Variants in NYAP2 observed in about 807,000 individuals in gnomAD.
NYAP2 encodes the protein neuronal tyrosine-phosphorylated phosphoinositide-3-kinase adapter 2.
In NYAP2, 23 loss-of-function variants were observed where a neutral mutation model predicts 50.4. The ratio of observed to expected loss-of-function variants is 0.46; its 90% CI spans 0.33 to 0.65. The LOEUF (loss-of-function observed/expected upper bound fraction) is 0.65. NYAP2 is among the 30% of genes least tolerant of loss of function. The pLI, the probability that NYAP2 is intolerant of heterozygous loss-of-function variation, is 0.02. For missense variants in NYAP2, 885 were observed against 861.0 expected (o/e 1.03, Z -0.35); for synonymous variants, 394 against 365.2 (o/e 1.08, Z -0.90).
intron 3 of NYAP2, among the ~76,000 whole-genome samples, chr2:225,432,976 C>T (rs1263617091): frequency 6.6e-6 from 1 of 152,048 alleles, no homozygotes; most frequent in East Asian, 1.9e-4. Context: ...AACCATATGC[C>T]CTGGCTGGGT....
At chr2:225,657,565 A>T (rs570084929), downstream of NYAP2, among the ~76,000 whole-genome samples, 1 of 150,476 alleles carries the variant, frequency 6.6e-6, no homozygotes, top group African/African-American at 2.5e-5. Flanking sequence ...ATCTCTTTCA[A>T]TTTTGCTGTG....
In NYAP2 at chr2:225,408,847, G is replaced by A. The variant is rs371105560; in HGVS notation, c.-17-17G>A. ...TCCCCACCCTGGATAAAAGTAAAAT[G>A]TGTTCTCACCCTGCAGGCAGTGTTC... On this transcript the variant is annotated splice_polypyrimidine_tract_variant and intron_variant, in intron 2 of 6. Coordinates refer to ENST00000636099, the Ensembl canonical transcript of NYAP2. The A allele has an allele frequency of 7.0e-6, 10 of 1,438,842 alleles. No individual in the cohort carries two copies. The highest frequency in any genetic ancestry group is 9.7e-6 in the Non-Finnish European group (10 of 1,028,814). The allele number at this position is 1,438,842 out of a possible 1,614,324, so 89.1% of individuals were successfully genotyped here.
chr2:225,472,777 T>G (rs1690032890), intron 3 of NYAP2, among the ~76,000 whole-genome samples: 1 of 152,112 alleles, frequency 6.6e-6, no homozygotes, highest in Non-Finnish European at 1.5e-5. Context: ...AATAGAAAAA[T>G]GCAGTGTTAC....
At chr2:225,571,731 G>A (rs1023558998) in intron 4 of NYAP2, among the ~76,000 whole-genome samples, 9 of 152,294 alleles carry the variant, frequency 5.9e-5, no homozygotes, top group East Asian at 1.9e-4. Context: ...CCTCTGACAT[G>A]CCCTGGAGAC....
chr2:225,589,739 G>T (rs1316913021), intron 5 of NYAP2, among the ~76,000 whole-genome samples: 3 of 151,872 alleles, frequency 2.0e-5, no homozygotes, highest in Non-Finnish European at 4.4e-5. Flanking sequence ...TTAAAACTTT[G>T]CAGGTGAAAT....
chr2:225,406,817 A>G (rs2106117701), intron 2 of NYAP2, among the ~76,000 whole-genome samples: 1 of 152,156 alleles, frequency 6.6e-6, no homozygotes, highest in South Asian at 2.1e-4. Flanking sequence ...TTGAAAGACC[A>G]CTTAGGAAGG....
chr2:225,533,301 C>G (rs927066422), intron 4 of NYAP2, among the ~76,000 whole-genome samples: 2 of 152,172 alleles, frequency 1.3e-5, no homozygotes, highest in Non-Finnish European at 2.9e-5. Context: ...AAGTTCTACT[C>G]TCCATATACA....
Position 225,491,427 on chromosome 2 carries a change from CCCTA to C in NYAP2, c.222-21939_222-21936del, listed in dbSNP as rs573691503. Among the ~76,000 whole-genome samples the C allele has an allele frequency of 3.1e-3, 477 of 152,258 alleles. 3 individuals are homozygous for C. Among genetic ancestry groups the C allele is most frequent in the Non-Finnish European group, 4.0e-3 (269 of 68,016 alleles). ...TTTTATGTTGAATACTATCATCTCA[CCCTA>C]CCTATCTTAATTTTTTTAAATTATG... On this transcript the variant is annotated intron_variant, in intron 3 of 6. Transcript: ENST00000636099.
intron 3 of NYAP2, among the ~76,000 whole-genome samples, chr2:225,430,178 A>T (rs2106133040): frequency 6.6e-6 from 1 of 152,222 alleles, no homozygotes; most frequent in Middle Eastern, 3.4e-3. Flanking sequence ...TTATTTGCCA[A>T]CTTAGATTTT....
chr2:225,670,028 T>C, the NYAP2 span, among the ~76,000 whole-genome samples: 10 of 152,192 alleles, frequency 6.6e-5, no homozygotes, highest in African/African-American at 2.2e-4. Flanking sequence ...CTTTGCACAT[T>C]CTGGCCCACT....
the NYAP2 span, among the ~76,000 whole-genome samples, chr2:225,676,442 T>G: frequency 3.9e-5 from 6 of 152,070 alleles, no homozygotes; most frequent in Admixed American, 2.6e-4. Context: ...TTAATTTTAT[T>G]GAAGATTATA....
At chr2:225,645,678 C>A (rs892684453) in intron 6 of NYAP2, among the ~76,000 whole-genome samples, 1 of 152,162 alleles carries the variant, frequency 6.6e-6, no homozygotes, top group East Asian at 1.9e-4. Flanking sequence ...TAATTAATCT[C>A]TCAATTAGGA....
chr2:225,409,084 A>G, exon 3 of NYAP2: 1 of 1,602,188 alleles, frequency 6.2e-7, no homozygotes, highest in African/African-American at 1.3e-5. Flanking sequence ...GCCGAAGACA[A>G]GAAGAAGCAA....
the NYAP2 span, among the ~76,000 whole-genome samples, chr2:225,664,858 G>A: frequency 6.6e-6 from 1 of 152,110 alleles, no homozygotes; most frequent in African/African-American, 2.4e-5. Flanking sequence ...GGGCGACAGA[G>A]CGAGAGTCCA....
intron 5 of NYAP2, among the ~76,000 whole-genome samples, chr2:225,626,470 G>A (rs1183589020): frequency 1.3e-5 from 2 of 152,136 alleles, no homozygotes; most frequent in African/African-American, 4.8e-5. Flanking sequence ...ATATAAATGA[G>A]TGAGTAATCA....
intron 3 of NYAP2, among the ~76,000 whole-genome samples, chr2:225,411,168 G>T (rs186228878): frequency 1.3e-5 from 2 of 152,248 alleles, no homozygotes; most frequent in Non-Finnish European, 2.9e-5. Flanking sequence ...GAGAGATAAT[G>T]TTGGTTTGCA....
the NYAP2 span, among the ~76,000 whole-genome samples, chr2:225,659,024 C>T: frequency 1.3e-5 from 2 of 152,224 alleles, no homozygotes. Context: ...ACAAAACAAG[C>T]TCATGCCTGC....
At chr2:225,530,455 T>C (rs1691233756) in intron 4 of NYAP2, among the ~76,000 whole-genome samples, 1 of 152,206 alleles carries the variant, frequency 6.6e-6, no homozygotes, top group South Asian at 2.1e-4. Context: ...TCCTTTGGTA[T>C]GTCTCTTCAG....
chr2:225,481,884 C>A (rs969796451), intron 3 of NYAP2, among the ~76,000 whole-genome samples: 4 of 151,960 alleles, frequency 2.6e-5, no homozygotes, highest in Non-Finnish European at 4.4e-5. Context: ...AAACCCAAGG[C>A]CCCTGCAGTT....
Sources: allele counts gnomAD v4.1 joint callset (sites outside exome capture counted in the v4.1 genomes callset), GRCh38; gene constraint gnomAD v4.1.1; transcripts MANE v1.5; gene names NCBI Gene and HGNC (gene_info 2026-07-23, HGNC 2026-07-21).